The following KRABD4 variants were observed in gnomAD, a reference collection of about 807,000 sequenced individuals.
KRABD4 encodes KRAB domain-containing protein 4.
the KRABD4 span, chrX:46,462,474 C>T: frequency 2.1e-5 from 7 of 332,867 alleles, no homozygotes; most frequent in Middle Eastern, 4.3e-4. Context: ...TATGCCACTG[C>T]ACTCCAGCCT....
chrX:46,460,891 A>G, the KRABD4 span, among the ~76,000 whole-genome samples: 1 of 102,490 alleles, frequency 9.8e-6, no homozygotes, highest in Non-Finnish European at 2.0e-5. Flanking sequence ...AGTTTTGAGG[A>G]TGGAGATGAA....
the KRABD4 span, among the ~76,000 whole-genome samples, chrX:46,451,501 AT>A: frequency 1.8e-5 from 2 of 110,468 alleles, no homozygotes; most frequent in Non-Finnish European, 3.8e-5. Context: ...TAAGTTTTTA[AT>A]TTTTTTTTAC....
At chrX:46,473,378 C>T in the KRABD4 span, 6 of 1,197,644 alleles carry the variant, frequency 5.0e-6, no homozygotes. Context: ...CAGAAGTCAA[C>T]TCTGATTAAA....
the KRABD4 span, chrX:46,473,438 G>C: frequency 8.8e-7 from 1 of 1,130,897 alleles, no homozygotes; most frequent in Non-Finnish European, 1.2e-6. Flanking sequence ...GTGTCTGTGA[G>C]AAAGCCTTCA....
chrX:46,473,418 T>C, the KRABD4 span: 1 of 1,171,013 alleles, frequency 8.5e-7, no homozygotes, highest in Non-Finnish European at 1.1e-6. Context: ...AGAGAGACCC[T>C]ATAAATGCAG....
the KRABD4 span, chrX:46,473,002 A>G: frequency 8.3e-7 from 1 of 1,211,280 alleles, no homozygotes; most frequent in Non-Finnish European, 1.1e-6. Context: ...CTATGTAAGA[A>G]AGAAAGATGA....
At chrX:46,450,354 G>T in the KRABD4 span, 1 of 651,265 alleles carries the variant, frequency 1.5e-6, no homozygotes, top group African/African-American at 2.1e-5. Flanking sequence ...GGGTACAAGG[G>T]TAATTATTAT....
chrX:46,453,406 C>A, the KRABD4 span, among the ~76,000 whole-genome samples: 1 of 109,479 alleles, frequency 9.1e-6, no homozygotes, highest in Non-Finnish European at 1.9e-5. Flanking sequence ...AATTAGGTGA[C>A]AATTTAAGAG....
chrX:46,456,797 A>G, the KRABD4 span: 1 of 374,036 alleles, frequency 2.7e-6, no homozygotes, highest in Non-Finnish European at 4.4e-6. Context: ...CAAGTAGCTC[A>G]GTGAGCTCCA....
chrX:46,463,584 C>T, the KRABD4 span: 1 of 409,564 alleles, frequency 2.4e-6, no homozygotes, highest in Non-Finnish European at 4.3e-6. Flanking sequence ...CAAGCCCCTT[C>T]TCATTCCTCT....
the KRABD4 span, chrX:46,472,836 A>C: frequency 8.3e-7 from 1 of 1,212,063 alleles, no homozygotes; most frequent in Admixed American, 2.2e-5. Context: ...AGGCAAGGAA[A>C]CACTGAAGGA....
At chrX:46,468,399 G>A in the KRABD4 span, among the ~76,000 whole-genome samples, 5 of 109,678 alleles carry the variant, frequency 4.6e-5, no homozygotes, top group African/African-American at 6.6e-5. Context: ...ATGGTGGTGC[G>A]CACCTGTAGT....
the KRABD4 span, chrX:46,462,665 G>C: frequency 3.3e-5 from 40 of 1,203,994 alleles, no homozygotes; most frequent in East Asian, 7.4e-4. Flanking sequence ...AGGGCACAGA[G>C]TAAGCCCTCC....
chrX:46,455,572 T>C, the KRABD4 span: 10 of 433,677 alleles, frequency 2.3e-5, no homozygotes, highest in Middle Eastern at 3.8e-3. Context: ...AACTTTAATT[T>C]CTGTTCTAGG....
chrX:46,453,445 G>T, the KRABD4 span, among the ~76,000 whole-genome samples: 1 of 46,014 alleles, frequency 2.2e-5, no homozygotes, highest in African/African-American at 1.1e-4. Flanking sequence ...CTTAGTGCAA[G>T]AAACTTTTTT....
chrX:46,463,544 C>T, the KRABD4 span: 7 of 443,311 alleles, frequency 1.6e-5, no homozygotes, highest in Admixed American at 2.4e-4. Context: ...TTTCTACCTT[C>T]CAGCCTCCTG....
At chrX:46,456,294 A>G in the KRABD4 span, 1 of 107,297 alleles carries the variant, frequency 9.3e-6, no homozygotes, top group African/African-American at 3.4e-5. Flanking sequence ...TGTATTATTA[A>G]ATTATTATAT....
chrX:46,473,136 AAGTC>A, the KRABD4 span: 2 of 1,190,093 alleles, frequency 1.7e-6, no homozygotes, highest in Admixed American at 4.8e-5. Context: ...CCCTTAGAAA[AAGTC>A]AGAGAAGTCA....
the KRABD4 span, among the ~76,000 whole-genome samples, chrX:46,452,230 CTCTCTT>C: frequency 3.6e-5 from 4 of 111,150 alleles, no homozygotes; most frequent in East Asian, 8.4e-4. Flanking sequence ...TGCTCTCTCT[CTCTCTT>C]TCTCTTTCTC....
Sources: allele counts gnomAD v4.1 joint callset (sites outside exome capture counted in the v4.1 genomes callset), GRCh38; gene constraint gnomAD v4.1.1; transcripts MANE v1.5; gene names NCBI Gene and HGNC (gene_info 2026-07-23, HGNC 2026-07-21).